Variants in POTEM observed in about 807,000 individuals in gnomAD.
POTEM encodes POTE ankyrin domain family member M.
For missense variants in POTEM, 24 were observed against 343.0 expected (o/e 0.07, Z 7.35); for synonymous variants, 8 against 113.2 (o/e 0.07, Z 5.90).
chr14:18,980,178 GTTT>G (rs1307539952), intron 6 of POTEM, 34 bp downstream of exon 6: 6 of 1,029,526 alleles, frequency 5.8e-6, no homozygotes, highest in Non-Finnish European at 8.1e-6. Flanking sequence ...CTTTAGGTTA[GTTT>G]TCCCCAACCT....
At chr14:18,968,753 G>A (rs1484793295) in intron 1 of POTEM, among the ~76,000 whole-genome samples, 4 of 152,272 alleles carry the variant, frequency 2.6e-5, no homozygotes, top group Admixed American at 1.3e-4. Flanking sequence ...AACCCGGGAG[G>A]CGGAGCTTGC....
intron 1 of POTEM, among the ~76,000 whole-genome samples, chr14:18,970,836 T>C (rs1890871672): frequency 1.3e-5 from 1 of 77,366 alleles, no homozygotes; most frequent in Non-Finnish European, 2.6e-5. Flanking sequence ...TACCTGTTCT[T>C]GTAGATTTTA....
chr14:18,968,227 G>T (rs1890808732), intron 1 of POTEM, among the ~76,000 whole-genome samples: 1 of 152,362 alleles, frequency 6.6e-6, no homozygotes, highest in South Asian at 2.1e-4. Flanking sequence ...TTCCCTCCTA[G>T]AACACTAATA....
Position 18,999,910 on chromosome 14 carries a change from C to T in POTEM, c.*1245C>T, listed in dbSNP as rs1409024873. ...TGGGTCGGTGGCTCCATCCTGGCCT[C>T]GCTGTCCACCTTCCAGCAGATGTGG... On this transcript the variant is annotated 3_prime_UTR_variant, in exon 11 of 11. Coordinates refer to ENST00000547889, the MANE Select transcript of POTEM (RefSeq NM_001145442.1). 9.8e-5 allele frequency among the ~76,000 whole-genome samples: 1 copy of T among 10,212 alleles called. No individual in the cohort carries two copies. The highest frequency in any genetic ancestry group is 5.0e-4 in the African/African-American group (1 of 1,986). 6.7% of individuals were successfully genotyped at this position (10,212 alleles called of 152,430 possible).
At chr14:18,982,835 G>GTTT (rs150535989) in intron 6 of POTEM, among the ~76,000 whole-genome samples, 1 of 32,168 alleles carries the variant, frequency 3.1e-5, no homozygotes, top group Admixed American at 2.7e-4. Context: ...ATTGTTGGCA[G>GTTT]TTTTTTTTTT....
At chr14:18,981,540 T>A (rs1891080852) in intron 6 of POTEM, among the ~76,000 whole-genome samples, 2 of 150,162 alleles carry the variant, frequency 1.3e-5, no homozygotes, top group Admixed American at 6.7e-5. Context: ...AAAGTAGGTA[T>A]GATTTAAGGT....
intron 6 of POTEM, among the ~76,000 whole-genome samples, chr14:18,981,575 T>C (rs1891081918): frequency 6.6e-6 from 1 of 151,276 alleles, no homozygotes. Context: ...AGAAGAATTT[T>C]TCTAGGTAAA....
chr14:18,969,301 AT>A, intron 1 of POTEM, among the ~76,000 whole-genome samples: 6 of 62,212 alleles, frequency 9.6e-5, no homozygotes. Context: ...ATATATATGT[AT>A]ATACGTATAT....
chr14:18,968,664 A>G (rs1890821919), intron 1 of POTEM, among the ~76,000 whole-genome samples: 2 of 150,320 alleles, frequency 1.3e-5, no homozygotes, highest in African/African-American at 2.4e-5. Flanking sequence ...ACTAAAAAAT[A>G]TAAAAAAAAT....
intron 9 of POTEM, among the ~76,000 whole-genome samples, chr14:18,996,415 G>C (rs1891301589): frequency 7.3e-6 from 1 of 137,332 alleles, no homozygotes; most frequent in East Asian, 2.1e-4. Context: ...ACCAGTCCCT[G>C]GCCTGTTAGG....
At chr14:18,996,563 AG>A (rs1183101870) in intron 9 of POTEM, among the ~76,000 whole-genome samples, 138 of 122,888 alleles carry the variant, frequency 1.1e-3, no homozygotes, top group African/African-American at 4.5e-3. Flanking sequence ...TCGTCCTAAG[AG>A]TGTGACCTGA....
At chr14:18,969,361 A>ATATATATATATATATATACATGTG (rs1890854737) in intron 1 of POTEM, among the ~76,000 whole-genome samples, 1 of 77,280 alleles carries the variant, frequency 1.3e-5, no homozygotes, top group Non-Finnish European at 3.5e-5. Flanking sequence ...ACATGTGTAT[A>ATATATATATATATATATACATGTG]TATATATATA....
intron 9 of POTEM, among the ~76,000 whole-genome samples, chr14:18,996,071 G>T (rs1891292557): frequency 1.3e-5 from 2 of 150,966 alleles, no homozygotes; most frequent in South Asian, 2.1e-4. Context: ...AATATCATTG[G>T]TGAAGAGATA....
At chr14:18,997,251 A>ATG (rs1891323125) in intron 10 of POTEM, 92 bp downstream of exon 10, 5 of 393,520 alleles carry the variant, frequency 1.3e-5, no homozygotes. Flanking sequence ...AGTCATATAT[A>ATG]TGTGTGTATA....
At position 19,002,693 on chromosome 14, in the gene POTEM, CTG is replaced by C. The variant is rs1891405035; in HGVS notation, c.*4031_*4032del. ...CTCTCAGATGCCCATACCATAGTTT[CTG>C]TGCTAGTGGACCGTACCATATCAGT... On this transcript the variant is annotated 3_prime_UTR_variant, in exon 11 of 11. Coordinates refer to ENST00000547889, the MANE Select transcript of POTEM (RefSeq NM_001145442.1). Among the ~76,000 whole-genome samples, 1 of 152,216 alleles carries C rather than the reference CTG, an allele frequency of 6.6e-6. No individual in the cohort carries two copies. Among genetic ancestry groups the C allele is most frequent in the African/African-American group, 2.4e-5 (1 of 41,452 alleles).
At chr14:18,974,822 C>A in intron 3 of POTEM, 1 of 412,794 alleles carries the variant, frequency 2.4e-6, no homozygotes, top group Non-Finnish European at 4.8e-6. Flanking sequence ...TCACTGCAAC[C>A]TCGACCTCCC....
chr14:18,990,952 T>G (rs1414540026), intron 9 of POTEM, among the ~76,000 whole-genome samples: 4 of 56,310 alleles, frequency 7.1e-5, no homozygotes, highest in Non-Finnish European at 1.6e-4. Context: ...GGCACGATCT[T>G]GGCTCATTGC....
rs1455864707 is a variant in POTEM at position 18,967,677 on chromosome 14, G to A, written c.192G>A (p.Trp64Ter). The part of the protein sequence containing the change: ...MKTLRSKMGK[W>*]CRHCFPWCRG... ...CACTCAGGAGCAAGATGGGCAAGTGGTGCCGCCACTGCTTCCCCTGGTGCA... is the reference window on the plus strand; with the variant it reads ...CACTCAGGAGCAAGATGGGCAAGTGATGCCGCCACTGCTTCCCCTGGTGCA... The change falls in exon 1 of 11, where the codon TGG becomes TGA. Residue 64 changes from tryptophan to a stop codon, truncating the protein, a stop_gained. Transcript: ENST00000547889. LOFTEE classifies it high-confidence loss of function. 1 of 1,607,310 alleles carries A rather than the reference G, an allele frequency of 6.2e-7. No individual in the cohort carries two copies. The highest frequency in any genetic ancestry group is 1.4e-5 in the African/African-American group (1 of 72,428).
In POTEM at chr14:18,967,773, C is replaced by G; in HGVS notation, c.288C>G (p.Ser96Arg). Residue 96 changes from serine to arginine, a missense_variant, in exon 1 of 11, where the codon AGC (serine) becomes AGG (arginine). Coordinates refer to ENST00000547889, the MANE Select transcript of POTEM (RefSeq NM_001145442.1). ...ACTCTGCTATGAAGACACTCAGGAGCAAGATGGGCAAGTGGTGCTGCCACT... is the reference window on the plus strand; with the variant it reads ...ACTCTGCTATGAAGACACTCAGGAGGAAGATGGGCAAGTGGTGCTGCCACT... ...HDDSAMKTLR[S>R]KMGKWCCHCF... The G allele has an allele frequency of 6.2e-7, 1 of 1,608,828 alleles. No individual in the cohort carries two copies. The highest frequency in any genetic ancestry group is 1.1e-5 in the South Asian group (1 of 90,734).
Sources: gnomAD v4.1 joint callset for allele counts (sites outside exome capture counted in the v4.1 genomes callset) on GRCh38, gnomAD v4.1.1 for gene constraint, MANE v1.5 for transcripts, NCBI Gene and HGNC (gene_info 2026-07-23, HGNC 2026-07-21) for gene names.